The following UGT2B17 variants were observed in gnomAD, a reference collection of about 807,000 sequenced individuals.
UGT2B17 encodes the protein UDP glucuronosyltransferase family 2 member B17.
Under a neutral mutation model 48.2 loss-of-function variants are expected in UGT2B17, and 21 were observed. That is an observed-to-expected ratio of 0.44 (90% confidence interval 0.31 to 0.63). The LOEUF is 0.63. Ranked by LOEUF, UGT2B17 falls within the 20% of genes least tolerant of loss-of-function variation. The pLI is 0.08. For missense variants in UGT2B17, 402 were observed against 696.1 expected, an observed-to-expected ratio of 0.58 and a Z score of 4.75; for synonymous variants, 146 against 238.4, an observed-to-expected ratio of 0.61 and a Z score of 3.57.
At position 68,569,784 on chromosome 4, in the gene UGT2B17, A is replaced by G. The variant is rs1731270916; in HGVS notation, c.-64-1236T>C. 1.6e-5 allele frequency among the ~76,000 whole-genome samples: 2 copies of G among 126,264 alleles called. 1 individual carries two copies. Among genetic ancestry groups the G allele is most frequent in the Non-Finnish European group, 3.4e-5 (2 of 59,518 alleles). The allele number at this position is 126,264 out of a possible 152,430, so 82.8% of individuals were successfully genotyped here. ...AGATTGGGACACTTACTCTTTACAG[A>G]GAACTATAAAACCACTGTCCCATCC... is the stretch of plus-strand genomic sequence containing the variant. On this transcript the variant is annotated intron_variant, in intron 1 of 6. Coordinates refer to ENST00000317746, the MANE Select transcript of UGT2B17 (RefSeq NM_001077.4).
intron 4 of UGT2B17, among the ~76,000 whole-genome samples, chr4:68,557,523 G>T (rs1202227726): frequency 1.7e-5 from 2 of 118,792 alleles, no homozygotes; most frequent in Non-Finnish European, 3.5e-5. Context: ...CCTTTGTTTT[G>T]TTTTGTTTTT....
In UGT2B17 at chr4:68,570,434, T is replaced by C. The variant is rs1197216448; in HGVS notation, c.-64-1886A>G. 4.7e-5 allele frequency among the ~76,000 whole-genome samples: 6 copies of C among 126,842 alleles called. 1 individual carries two copies. The highest frequency in any genetic ancestry group is 6.7e-5 in the Non-Finnish European group (4 of 59,632). The allele number at this position is 126,842 out of a possible 152,430, so 83.2% of individuals were successfully genotyped here. A position where few individuals can be genotyped will look rare whatever the true frequency, so the allele number is the denominator to read the frequency against. ...GGTTTAGGTCAGGCAGGCCCAGGCCTGGTTTCAGGCCTGGAGCCAGGCTGC... is the reference window on the plus strand; with the variant it reads ...GGTTTAGGTCAGGCAGGCCCAGGCCCGGTTTCAGGCCTGGAGCCAGGCTGC... On this transcript the variant is annotated intron_variant, in intron 1 of 6. Transcript: ENST00000317746.
intron 6 of UGT2B17, among the ~76,000 whole-genome samples, chr4:68,544,907 T>TACAGGA (rs1730765844): frequency 8.1e-6 from 1 of 123,700 alleles, no homozygotes; most frequent in African/African-American, 2.7e-5. Context: ...TAAATATACA[T>TACAGGA]GCACCCAGAT....
intron 6 of UGT2B17, among the ~76,000 whole-genome samples, chr4:68,549,337 T>C (rs1208501291): frequency 1.3e-5 from 1 of 75,714 alleles, no homozygotes; most frequent in Non-Finnish European, 3.2e-5. Context: ...AAAGGCATCC[T>C]CCAAAAAGTA....
At chr4:68,558,186 AT>A (rs1344448391) in intron 4 of UGT2B17, among the ~76,000 whole-genome samples, 1 of 123,266 alleles carries the variant, frequency 8.1e-6, no homozygotes, top group Non-Finnish European at 1.7e-5. Context: ...CTTTAGTAAA[AT>A]TGGGAAACTG....
rs752915522 is a variant in UGT2B17 at position 68,575,853 on chromosome 4, C to T, written c.-65+98G>A. Among the ~76,000 whole-genome samples, 4 of 125,782 alleles carry T rather than the reference C, an allele frequency of 3.2e-5. 2 individuals are homozygous for T. The highest frequency in any genetic ancestry group is 5.5e-5 in the African/African-American group (2 of 36,588). The allele number at this position is 125,782 out of a possible 152,430, so 82.5% of individuals were successfully genotyped here. A position where few individuals can be genotyped will look rare whatever the true frequency, so the allele number is the denominator to read the frequency against. On this transcript the variant is annotated intron_variant, in intron 1 of 6. Coordinates refer to ENST00000317746, the MANE Select transcript of UGT2B17 (RefSeq NM_001077.4). ...CTAGTCCTACCAAGTCTAGCCAAGT[C>T]AAAACCAGAACAAAGGTGCCAACAC... is the stretch of plus-strand genomic sequence containing the variant.
rs563164877 is a variant in UGT2B17, at chr4:68,552,759, A to T, written c.1006-848T>A. ...GACAATTGGCTGAGGTCTGGGAGCA[A>T]CCCCTCCAGAGAATCCCTGATACCC... On this transcript the variant is annotated intron_variant, in intron 4 of 6. Coordinates refer to ENST00000317746, the MANE Select transcript of UGT2B17 (RefSeq NM_001077.4). Among the ~76,000 whole-genome samples the T allele has an allele frequency of 2.4e-5, 3 of 125,708 alleles. 1 individual carries two copies. In the South Asian group the frequency reaches 1.1e-3, roughly 47 times the overall value. 82.5% of individuals were successfully genotyped at this position (125,708 alleles called of 152,430 possible).
At position 68,538,919 on chromosome 4, in the gene UGT2B17, G is replaced by C. The variant is rs1358570703; in HGVS notation, c.1314-1015C>G. On this transcript the variant is annotated intron_variant, in intron 6 of 6. Transcript: ENST00000317746. Reference sequence around the variant, plus strand: ...TCTCTCTCATTGAGCATTCTTTCTTGCAACTACTTGAGGTTTGCTTCTATT... The same window carrying C: ...TCTCTCTCATTGAGCATTCTTTCTTCCAACTACTTGAGGTTTGCTTCTATT... Among the ~76,000 whole-genome samples the C allele has an allele frequency of 1.6e-5, 2 of 125,064 alleles. 1 individual carries two copies. The highest frequency in any genetic ancestry group is 5.5e-5 in the African/African-American group (2 of 36,624). The allele number at this position is 125,064 out of a possible 152,430, so 82.0% of individuals were successfully genotyped here.
intron 3 of UGT2B17, among the ~76,000 whole-genome samples, chr4:68,563,838 C>T (rs1731145951): frequency 7.9e-6 from 1 of 126,090 alleles, no homozygotes; most frequent in Admixed American, 8.2e-5. Context: ...TAAACAAGCA[C>T]ACAGAGTATC....
At chr4:68,557,372 A>T (rs1268578432) in intron 4 of UGT2B17, among the ~76,000 whole-genome samples, 1 of 125,026 alleles carries the variant, frequency 8.0e-6, no homozygotes, top group African/African-American at 2.7e-5. Context: ...AGATTGTGAC[A>T]TTAGAATGGA....
In UGT2B17 at chr4:68,545,257, AG is replaced by A. The variant is rs1432923588; in HGVS notation, c.1313+5419del. ...CCACAGTGCAATCAAACTAGAACTC[AG>A]GATTAAGAAACTCACTCAAAACTGT... is the stretch of plus-strand genomic sequence containing the variant. On this transcript the variant is annotated intron_variant, in intron 6 of 6. Transcript: ENST00000317746. Among the ~76,000 whole-genome samples the A allele has an allele frequency of 1.6e-5, 2 of 126,840 alleles. 1 individual carries two copies. The highest frequency in any genetic ancestry group is 3.3e-5 in the Non-Finnish European group (2 of 59,814). The allele number at this position is 126,840 out of a possible 152,430, so 83.2% of individuals were successfully genotyped here. A position where few individuals can be genotyped will look rare whatever the true frequency, so the allele number is the denominator to read the frequency against.
chr4:68,571,559 A>G lies in UGT2B17; in HGVS notation c.-64-3011T>C, dbSNP rs1160800672. Among the ~76,000 whole-genome samples the G allele has an allele frequency of 3.2e-5, 4 of 126,848 alleles. 1 individual carries two copies. The highest frequency in any genetic ancestry group is 6.7e-5 in the Non-Finnish European group (4 of 59,716). 83.2% of individuals were successfully genotyped at this position (126,848 alleles called of 152,430 possible). A position where few individuals can be genotyped will look rare whatever the true frequency, so the allele number is the denominator to read the frequency against. On this transcript the variant is annotated intron_variant, in intron 1 of 6. Coordinates refer to ENST00000317746, the MANE Select transcript of UGT2B17 (RefSeq NM_001077.4). ...TTGTCTAAGACAGCTAAGCTGCCTT[A>G]CAGGATGAGTGAATCCTTTTCCTTC...
rs1731277879 is a variant in UGT2B17 at position 68,570,242 on chromosome 4, G to T, written c.-64-1694C>A. 1.6e-5 allele frequency among the ~76,000 whole-genome samples: 2 copies of T among 127,214 alleles called. 1 individual carries two copies. The highest frequency in any genetic ancestry group is 5.4e-5 in the African/African-American group (2 of 37,152). 83.5% of individuals were successfully genotyped at this position (127,214 alleles called of 152,430 possible). On this transcript the variant is annotated intron_variant, in intron 1 of 6. Transcript: ENST00000317746. ...CAACACTAAAGATTTCACATGAAAT[G>T]GTCGTGATTGATTTAAGCAAGCAGT...
chr4:68,573,180 C>T (rs1731320655), intron 1 of UGT2B17, among the ~76,000 whole-genome samples: 1 of 127,244 alleles, frequency 7.9e-6, no homozygotes, highest in African/African-American at 2.7e-5. Flanking sequence ...CTGTTGCTGC[C>T]AGGGCCCTTG....
intron 6 of UGT2B17, among the ~76,000 whole-genome samples, chr4:68,547,544 G>C (rs1467597391): frequency 1.6e-5 from 2 of 124,624 alleles, no homozygotes; most frequent in African/African-American, 5.5e-5. Flanking sequence ...AACACCAAAA[G>C]CAATGGCAAC....
chr4:68,542,164 A>C lies in UGT2B17; in HGVS notation c.1314-4260T>G, dbSNP rs1203942746. Among the ~76,000 whole-genome samples the C allele has an allele frequency of 4.0e-5, 5 of 126,518 alleles. 2 individuals carry two copies. Among genetic ancestry groups the C allele is most frequent in the African/African-American group, 5.4e-5 (2 of 36,932 alleles). 83.0% of individuals were successfully genotyped at this position (126,518 alleles called of 152,430 possible). On this transcript the variant is annotated intron_variant, in intron 6 of 6. Transcript: ENST00000317746. ...TTGCTTGTTTTTGTCAGGTTTGTCAAAGATCAGATGGTTGTAGATGTGTAA... is the reference window on the plus strand; with the variant it reads ...TTGCTTGTTTTTGTCAGGTTTGTCACAGATCAGATGGTTGTAGATGTGTAA...
rs1456412126 is a variant in UGT2B17 at position 68,576,128 on chromosome 4, G to T, written c.-242C>A. ...CAGGCTGCCCGGAGTACCCCACAGGGATGCTCCACAGGGCAGGCTTAAGCC... is the reference window on the plus strand; with the variant it reads ...CAGGCTGCCCGGAGTACCCCACAGGTATGCTCCACAGGGCAGGCTTAAGCC... On this transcript the variant is annotated 5_prime_UTR_variant, in exon 1 of 7. Coordinates refer to ENST00000317746, the MANE Select transcript of UGT2B17 (RefSeq NM_001077.4). Among the ~76,000 whole-genome samples the T allele has an allele frequency of 1.6e-5, 2 of 125,214 alleles. 1 individual carries two copies. Among genetic ancestry groups the T allele is most frequent in the Non-Finnish European group, 3.4e-5 (2 of 59,186 alleles). The allele number at this position is 125,214 out of a possible 152,430, so 82.1% of individuals were successfully genotyped here.
intron 1 of UGT2B17, among the ~76,000 whole-genome samples, chr4:68,575,574 T>C (rs184742478): frequency 0.012 from 1,522 of 125,518 alleles, 310 homozygotes; most frequent in African/African-American, 0.039. Flanking sequence ...CAAAACACCA[T>C]GCTCACAGCA....
Position 68,539,095 on chromosome 4 carries a change from A to G in UGT2B17, c.1314-1191T>C, listed in dbSNP as rs1280221433. ...ATATGTTATATATCTTCCACAATAA[A>G]AGTTTAAGTATGAAATACATAGGAT... On this transcript the variant is annotated intron_variant, in intron 6 of 6. Coordinates refer to ENST00000317746, the MANE Select transcript of UGT2B17 (RefSeq NM_001077.4). Among the ~76,000 whole-genome samples, 2 of 126,368 alleles carry G rather than the reference A, an allele frequency of 1.6e-5. 1 individual carries two copies. Among genetic ancestry groups the G allele is most frequent in the Non-Finnish European group, 3.3e-5 (2 of 59,702 alleles). 82.9% of individuals were successfully genotyped at this position (126,368 alleles called of 152,430 possible). A position where few individuals can be genotyped will look rare whatever the true frequency, so the allele number is the denominator to read the frequency against.
Sources: gnomAD v4.1 joint callset for allele counts (sites outside exome capture counted in the v4.1 genomes callset) on GRCh38, gnomAD v4.1.1 for gene constraint, MANE v1.5 for transcripts, NCBI Gene and HGNC (gene_info 2026-07-23, HGNC 2026-07-21) for gene names.